Variants in POU2F3 observed in about 807,000 individuals in gnomAD.
POU2F3 encodes the protein POU domain, class 2, transcription factor 3.
In POU2F3, 23 loss-of-function variants were observed where a neutral mutation model predicts 59.2. The ratio of observed to expected loss-of-function variants is 0.39; its 90% CI spans 0.28 to 0.55. The LOEUF (loss-of-function observed/expected upper bound fraction) is 0.55, where lower values mean the gene tolerates loss of function less well. POU2F3 is among the 20% of genes least tolerant of loss of function. POU2F3 has a pLI of 0.66. For synonymous variants in POU2F3, 190 were observed against 214.6 expected, an observed-to-expected ratio of 0.89 and a Z score of 1.00; for missense variants, 473 against 544.5, an observed-to-expected ratio of 0.87 and a Z score of 1.31.
At position 120,305,751 on chromosome 11, in the gene POU2F3, C is replaced by G. The variant is rs374712708; in HGVS notation, c.735C>G (p.Leu245=). 8 of 1,613,854 alleles carry G rather than the reference C, an allele frequency of 5.0e-6. No homozygotes were observed. The African/African-American group carries it at 1.1e-4, about 22-fold the overall frequency. ...LNLSFKNMCK[L]KPLLEKWLND... ...TGAGCTTCAAGAACATGTGCAAGCT[C>G]AAGCCCCTGCTGGAGAAGTGGCTGA... The change falls in exon 8 of 13, where the codon CTC becomes CTG. Residue 245 remains leucine (L), a synonymous_variant. Transcript: ENST00000543440.
intron 2 of POU2F3, chr11:120,258,987 TC>T (rs1939479758): frequency 6.6e-6 from 1 of 152,224 alleles, no homozygotes; most frequent in Admixed American, 6.5e-5. Context: ...ACCTTCCCTT[TC>T]TCAAAAAATG....
At chr11:120,297,006 TC>T (rs1330055819) in intron 3 of POU2F3, among the ~76,000 whole-genome samples, 3 of 152,170 alleles carry the variant, frequency 2.0e-5, no homozygotes, top group African/African-American at 7.2e-5. Context: ...ACAGAAGATA[TC>T]CCAGGATGTC....
intron 2 of POU2F3, among the ~76,000 whole-genome samples, chr11:120,268,227 TATC>T (rs1462482611): frequency 6.6e-6 from 1 of 152,156 alleles, no homozygotes; most frequent in Non-Finnish European, 1.5e-5. Flanking sequence ...TTATAAATAA[TATC>T]ATAAAATATA....
chr11:120,262,887 T>C (rs1939656599), intron 2 of POU2F3, among the ~76,000 whole-genome samples: 1 of 152,082 alleles, frequency 6.6e-6, no homozygotes, highest in South Asian at 2.1e-4. Context: ...GTTGGCTTTT[T>C]TATATTTTTC....
At chr11:120,247,796 A>G (rs569242644) in intron 2 of POU2F3, among the ~76,000 whole-genome samples, 1 of 152,370 alleles carries the variant, frequency 6.6e-6, no homozygotes, top group African/African-American at 2.4e-5. Context: ...AAACCAGCCC[A>G]GGAGCCATGA....
chr11:120,317,167 C>A, intron 11 of POU2F3, 62 bp from the exon 12 acceptor site: 3 of 1,592,702 alleles, frequency 1.9e-6, no homozygotes, highest in Non-Finnish European at 2.6e-6. Flanking sequence ...GGGGCTATGT[C>A]CCGATGTCCC....
At chr11:120,275,874 A>C (rs1363410143) in intron 3 of POU2F3, among the ~76,000 whole-genome samples, 4 of 152,148 alleles carry the variant, frequency 2.6e-5, no homozygotes, top group African/African-American at 9.7e-5. Flanking sequence ...ACCAACTGGG[A>C]TTTTCCATCA....
chr11:120,265,866 C>A (rs947958524), intron 2 of POU2F3: 3 of 152,240 alleles, frequency 2.0e-5, no homozygotes, highest in Non-Finnish European at 2.9e-5. Context: ...GCACACTTAC[C>A]CGGTCTTTCT....
At chr11:120,308,288 C>T (rs1941556367) in intron 9 of POU2F3, among the ~76,000 whole-genome samples, 1 of 152,204 alleles carries the variant, frequency 6.6e-6, no homozygotes, top group African/African-American at 2.4e-5. Context: ...AGCCAGGCTC[C>T]CTCAGATCCC....
chr11:120,236,932 G>T (rs1037167923), upstream of POU2F3, among the ~76,000 whole-genome samples: 1 of 152,166 alleles, frequency 6.6e-6, no homozygotes, highest in Non-Finnish European at 1.5e-5. Flanking sequence ...GTTTTCTGGG[G>T]TAAGTCCCCC....
intron 3 of POU2F3, among the ~76,000 whole-genome samples, chr11:120,290,326 A>T (rs1940973445): frequency 6.6e-6 from 1 of 152,232 alleles, no homozygotes; most frequent in Non-Finnish European, 1.5e-5. Context: ...TTGGGCCACA[A>T]ATATGTGTAA....
chr11:120,238,894 A>G (rs1246038749), upstream of POU2F3, among the ~76,000 whole-genome samples: 3 of 150,818 alleles, frequency 2.0e-5, no homozygotes, highest in Non-Finnish European at 2.9e-5. Context: ...CATTTTCCCC[A>G]TCTATAAAAT....
chr11:120,300,115 T>C (rs1808829613), intron 5 of POU2F3, among the ~76,000 whole-genome samples: 1 of 152,208 alleles, frequency 6.6e-6, no homozygotes, highest in Admixed American at 6.5e-5. Context: ...ACTTGCTTCC[T>C]GGAAGCCTGG....
chr11:120,262,387 A>G (rs928352521), intron 2 of POU2F3, among the ~76,000 whole-genome samples: 5 of 152,232 alleles, frequency 3.3e-5, no homozygotes, highest in Non-Finnish European at 5.9e-5. Context: ...GACTAATACA[A>G]TGAGCCCCCA....
chr11:120,243,150 G>A (rs1183532985), intron 1 of POU2F3, among the ~76,000 whole-genome samples: 1 of 152,202 alleles, frequency 6.6e-6, no homozygotes, highest in Non-Finnish European at 1.5e-5. Context: ...CTGGCGGAGA[G>A]TTGGAGCCTT....
chr11:120,236,783 A>G (rs770296655), upstream of POU2F3: 78 of 1,356,604 alleles, frequency 5.7e-5, no homozygotes, highest in South Asian at 2.1e-4. Flanking sequence ...GAGAGAAGGA[A>G]TAAAGATTGC....
chr11:120,265,515 G>A (rs1345147327), intron 2 of POU2F3: 1 of 152,348 alleles, frequency 6.6e-6, no homozygotes, highest in Non-Finnish European at 1.5e-5. Flanking sequence ...TCCATCATCA[G>A]GCTCCAAGTG....
chr11:120,251,979 A>G (rs1461322142), intron 2 of POU2F3, among the ~76,000 whole-genome samples: 1 of 151,626 alleles, frequency 6.6e-6, no homozygotes, highest in Admixed American at 6.6e-5. Context: ...TATTTTTAGT[A>G]GAGACAGGGT....
chr11:120,242,481 C>T (rs981892593), intron 1 of POU2F3, among the ~76,000 whole-genome samples: 3 of 152,164 alleles, frequency 2.0e-5, no homozygotes, highest in African/African-American at 7.2e-5. Context: ...CATTTTCCCC[C>T]GCCAAGGTAA....
Sources: allele counts gnomAD v4.1 joint callset (sites outside exome capture counted in the v4.1 genomes callset), GRCh38; gene constraint gnomAD v4.1.1; transcripts MANE v1.5; gene names NCBI Gene and HGNC (gene_info 2026-07-23, HGNC 2026-07-21).